The following FAM227B variants were observed in gnomAD, a reference collection of about 807,000 sequenced individuals.
FAM227B encodes the protein protein FAM227B.
Under a neutral mutation model 73.8 loss-of-function variants are expected in FAM227B, and 88 were observed. The ratio of observed to expected loss-of-function variants is 1.19; its 90% CI spans 1.00 to 1.42. FAM227B has a LOEUF of 1.42. Ranked by LOEUF, FAM227B falls within the 40% of genes most tolerant of loss-of-function variation. The pLI is 0.00. For missense variants in FAM227B, 632 were observed against 590.9 expected, an observed-to-expected ratio of 1.07 and a Z score of -0.72; for synonymous variants, 210 against 190.5, an observed-to-expected ratio of 1.10 and a Z score of -0.84.
chr15:49,448,595 T>C (rs1293247765), intron 11 of FAM227B, among the ~76,000 whole-genome samples: 1 of 151,722 alleles, frequency 6.6e-6, no homozygotes, highest in Non-Finnish European at 1.5e-5. Context: ...TTCTGGTTAT[T>C]CTCTTCACTT....
intron 11 of FAM227B, among the ~76,000 whole-genome samples, chr15:49,433,573 C>A (rs1032987534): frequency 2.0e-5 from 3 of 151,662 alleles, no homozygotes; most frequent in African/African-American, 7.3e-5. Flanking sequence ...ACTTCCCTCT[C>A]ATTCTCTATC....
intron 14 of FAM227B, among the ~76,000 whole-genome samples, chr15:49,332,896 A>C (rs2039052383): frequency 6.6e-6 from 1 of 152,162 alleles, no homozygotes; most frequent in African/African-American, 2.4e-5. Flanking sequence ...TGTGACTGGT[A>C]CATGCCCCCT....
chr15:49,474,497 G>A (rs750469496), intron 11 of FAM227B, among the ~76,000 whole-genome samples: 4 of 152,078 alleles, frequency 2.6e-5, no homozygotes, highest in Non-Finnish European at 5.9e-5. Flanking sequence ...CTGACAGACA[G>A]GTAAATCAAT....
intron 11 of FAM227B, among the ~76,000 whole-genome samples, chr15:49,463,301 C>A (rs982417576): frequency 1.3e-5 from 2 of 152,178 alleles, no homozygotes; most frequent in African/African-American, 4.8e-5. Context: ...CACCTGTAAT[C>A]CCAGCACTCT....
intron 5 of FAM227B, among the ~76,000 whole-genome samples, chr15:49,578,609 G>A: frequency 6.6e-6 from 1 of 151,870 alleles, no homozygotes; most frequent in East Asian, 1.9e-4. Context: ...TTAGAAAGAA[G>A]ATGACATATG....
chr15:49,558,949 C>A (rs2074003541), intron 9 of FAM227B, among the ~76,000 whole-genome samples: 1 of 150,652 alleles, frequency 6.6e-6, no homozygotes. Context: ...CCACCATTTA[C>A]AAGCAGCAGC....
At chr15:49,489,875 TATATATATAGAGAGAGAG>T (rs1567383342) in intron 11 of FAM227B, among the ~76,000 whole-genome samples, 3 of 17,172 alleles carry the variant, frequency 1.7e-4, no homozygotes, top group East Asian at 2.1e-3. Context: ...TATATATATA[TATATATATAGAGAGAGAG>T]AGAGAGAGAG....
chr15:49,606,937 T>G (rs1161754179), intron 3 of FAM227B, among the ~76,000 whole-genome samples: 2 of 152,232 alleles, frequency 1.3e-5, no homozygotes, highest in Non-Finnish European at 2.9e-5. Context: ...CAAAGAAAGT[T>G]AGTCAACATA....
chr15:49,430,066 A>C (rs2050459409), intron 11 of FAM227B, among the ~76,000 whole-genome samples: 1 of 151,866 alleles, frequency 6.6e-6, no homozygotes, highest in Non-Finnish European at 1.5e-5. Flanking sequence ...TAAATCTCTG[A>C]ATTATGCACC....
At chr15:49,387,608 T>C (rs2046963127) in intron 11 of FAM227B, among the ~76,000 whole-genome samples, 1 of 151,792 alleles carries the variant, frequency 6.6e-6, no homozygotes, top group Admixed American at 6.6e-5. Context: ...CTGTTCAACA[T>C]AGTTCTGCAA....
chr15:49,467,357 T>A (rs1290090806), intron 11 of FAM227B, among the ~76,000 whole-genome samples: 1 of 152,106 alleles, frequency 6.6e-6, no homozygotes, highest in Non-Finnish European at 1.5e-5. Flanking sequence ...CCCCATCAAA[T>A]TCTGCTCTCA....
At chr15:49,481,489 T>C (rs1470722301) in intron 11 of FAM227B, among the ~76,000 whole-genome samples, 17 of 152,342 alleles carry the variant, frequency 1.1e-4, no homozygotes, top group Middle Eastern at 3.4e-3. Context: ...TAGCATAGAA[T>C]TGGCTCTCAG....
At chr15:49,483,295 A>AT (rs1351356448) in intron 11 of FAM227B, 3 of 1,016,680 alleles carry the variant, frequency 3.0e-6, no homozygotes, top group Non-Finnish European at 3.0e-6. Flanking sequence ...TTTAAAACTC[A>AT]TTTTTGTCAA....
intron 13 of FAM227B, among the ~76,000 whole-genome samples, chr15:49,361,201 A>C (rs1291396441): frequency 6.6e-6 from 1 of 152,194 alleles, no homozygotes; most frequent in African/African-American, 2.4e-5. Flanking sequence ...TCAATTAAAA[A>C]ATTAATTTAA....
chr15:49,613,048 G>A (rs2078051997), intron 2 of FAM227B, among the ~76,000 whole-genome samples: 1 of 151,942 alleles, frequency 6.6e-6, no homozygotes. Context: ...TAGTCAATGG[G>A]TACAAAAATA....
chr15:49,569,708 T>C (rs911840292), intron 8 of FAM227B, among the ~76,000 whole-genome samples: 13 of 151,980 alleles, frequency 8.6e-5, no homozygotes, highest in African/African-American at 3.1e-4. Context: ...AGTGACCATG[T>C]TGTGCTATGG....
chr15:49,396,080 G>A (rs891551395), intron 11 of FAM227B: 9 of 441,046 alleles, frequency 2.0e-5, no homozygotes, highest in Admixed American at 1.2e-4. Context: ...TTCCATCTGA[G>A]GTACCAGGTT....
At chr15:49,463,884 A>T (rs12148764) in intron 11 of FAM227B, among the ~76,000 whole-genome samples, 38,656 of 152,118 alleles carry the variant, frequency 0.25, 5,766 homozygotes, top group Non-Finnish European at 0.35. Context: ...TTTTTAGACT[A>T]CTTCAAACTG....
At chr15:49,354,899 G>A (rs980576843) in intron 13 of FAM227B, among the ~76,000 whole-genome samples, 13 of 152,052 alleles carry the variant, frequency 8.5e-5, no homozygotes, top group Non-Finnish European at 1.5e-4. Flanking sequence ...ATCTGAGAAC[G>A]GGCAGACTGC....
Sources: allele counts gnomAD v4.1 joint callset (sites outside exome capture counted in the v4.1 genomes callset), GRCh38; gene constraint gnomAD v4.1.1; transcripts MANE v1.5; gene names NCBI Gene and HGNC (gene_info 2026-07-23, HGNC 2026-07-21).